The following GSN variants were observed in gnomAD, a reference collection of about 807,000 sequenced individuals.
The protein encoded by GSN is gelsolin, also known as actin-depolymerizing factor.
In GSN, 56 loss-of-function variants were observed where a neutral mutation model predicts 85.7. The observed-to-expected ratio is 0.65, with a 90% CI of 0.53 to 0.82. The LOEUF (loss-of-function observed/expected upper bound fraction) is 0.82. Ranked by LOEUF, GSN falls within the 40% of genes least tolerant of loss-of-function variation. GSN has a pLI of 0.00. For synonymous variants in GSN, 373 were observed against 399.1 expected, an observed-to-expected ratio of 0.93 and a Z score of 0.78; for missense variants, 857 against 979.8, an observed-to-expected ratio of 0.87 and a Z score of 1.67.
rs1484770479 is a variant in GSN at position 121,209,294 on chromosome 9, A to G, written c.-807-2A>G. 1 of 152,246 alleles carries G rather than the reference A, an allele frequency of 6.6e-6. No homozygotes were observed. Among genetic ancestry groups the G allele is most frequent in the African/African-American group, 2.4e-5 (1 of 41,448 alleles). 9.4% of individuals were successfully genotyped at this position (152,246 alleles called of 1,614,324 possible). On this transcript the variant is annotated splice_acceptor_variant, in intron 1 of 24. Transcript: ENST00000373823. LOFTEE classifies it low-confidence loss of function (5UTR_SPLICE). The stretch of plus-strand genomic sequence containing the variant: ...CAAATGTACAATCCTTCATCCTTCC[A>G]GGAATGGATAAAGCACGGAGAGGAA...
At chr9:121,272,783 C>T (rs12006064) in intron 1 of GSN, among the ~76,000 whole-genome samples, 4,059 of 152,308 alleles carry the variant, frequency 0.027, 195 homozygotes, top group African/African-American at 0.093. Flanking sequence ...CTCCATTTTA[C>T]AGATGAGGAA....
chr9:121,318,508 G>A lies in GSN; in HGVS notation c.975+14G>A, dbSNP rs765589339. 6.2e-7 allele frequency: 1 copy of A among 1,602,540 alleles called. No homozygotes were observed. Among genetic ancestry groups the A allele is most frequent in the Admixed American group, 1.7e-5 (1 of 60,010 alleles). ...AAGCAGACTCAGGTGAGTCTTGGAG[G>A]CCAGGTAGGATGGGAAGGGGTGGGT... On this transcript the variant is annotated intron_variant, in intron 9 of 17. Coordinates refer to ENST00000432226, the MANE Select transcript of GSN (RefSeq NM_198252.3). The surrounding 1 kb of genome is among the most constrained non-coding windows in gnomAD (Gnocchi z 4.3).
At position 121,329,671 on chromosome 9, in the gene GSN, A is replaced by C. The variant is rs918049959; in HGVS notation, c.1965+356A>C. On this transcript the variant is annotated intron_variant, in intron 16 of 17. Coordinates refer to ENST00000432226, the MANE Select transcript of GSN (RefSeq NM_198252.3). This position sits in a 1 kb window ranked among gnomAD's most constrained non-coding sequence, Gnocchi z 4.6. ...ACTTAGCAGCATCTTGTTTGCAGGCATAAACTGTCCAGTGTCACCTAGAGG... is the reference window on the plus strand; with the variant it reads ...ACTTAGCAGCATCTTGTTTGCAGGCCTAAACTGTCCAGTGTCACCTAGAGG... Among the ~76,000 whole-genome samples, 5 of 152,194 alleles carry C rather than the reference A, an allele frequency of 3.3e-5. No homozygotes were observed.
chr9:121,305,777 T>G (rs976753856), intron 4 of GSN, among the ~76,000 whole-genome samples: 1 of 152,202 alleles, frequency 6.6e-6, no homozygotes, highest in Non-Finnish European at 1.5e-5. Flanking sequence ...CCAGGGCTGG[T>G]CTTGTTTACC....
chr9:121,324,997 T>C (rs552107773), intron 12 of GSN, among the ~76,000 whole-genome samples: 3 of 152,324 alleles, frequency 2.0e-5, no homozygotes, highest in Non-Finnish European at 4.4e-5. Flanking sequence ...GGAGAGGCCA[T>C]GTGGCTGAGC....
chr9:121,269,087 A>T (rs2132328793), intron 1 of GSN, among the ~76,000 whole-genome samples: 1 of 152,192 alleles, frequency 6.6e-6, no homozygotes, highest in South Asian at 2.1e-4. Context: ...CATGGAAGGG[A>T]GCTTTAAAAC....
At chr9:121,245,796 C>T (rs140316624) in intron 5 of GSN, among the ~76,000 whole-genome samples, 203 of 152,288 alleles carry the variant, frequency 1.3e-3, no homozygotes, top group African/African-American at 4.8e-3. Context: ...GGCTGGAGTG[C>T]AGAGGCTATT....
At chr9:121,252,771 G>A (rs1446277516) in intron 6 of GSN, among the ~76,000 whole-genome samples, 1 of 152,144 alleles carries the variant, frequency 6.6e-6, no homozygotes, top group Non-Finnish European at 1.5e-5. Context: ...ATAAACTTTT[G>A]CTGTATTAAG....
chr9:121,317,676 G>C, intron 8 of GSN: 1 of 266,434 alleles, frequency 3.8e-6, no homozygotes, highest in South Asian at 4.2e-5. Context: ...AACTCTTTCG[G>C]TACTATCTTG....
intron 1 of GSN, chr9:121,280,666 C>T (rs306781): frequency 0.99 from 150,117 of 152,332 alleles, 73,979 homozygotes; most frequent in East Asian, 1. Context: ...AGAGTAAACA[C>T]ATGCCTTGTG....
intron 1 of GSN, among the ~76,000 whole-genome samples, chr9:121,272,490 A>G (rs1315938752): frequency 3.3e-5 from 5 of 152,316 alleles, no homozygotes; most frequent in Middle Eastern, 3.4e-3. Flanking sequence ...TGCTCCCCAC[A>G]TGTACTTGGG....
At chr9:121,278,676 A>C (rs186232418) in intron 1 of GSN, among the ~76,000 whole-genome samples, 7 of 152,204 alleles carry the variant, frequency 4.6e-5, no homozygotes, top group African/African-American at 1.7e-4. Context: ...TGCTGGAATG[A>C]AACCCTTCTC....
chr9:121,300,494 G>A (rs1049172046), intron 2 of GSN, among the ~76,000 whole-genome samples: 2 of 151,824 alleles, frequency 1.3e-5, no homozygotes, highest in African/African-American at 2.4e-5. Context: ...GTCTGGTTTC[G>A]TGTTTTTCCA....
At chr9:121,325,884 C>G (rs2133861758) in intron 12 of GSN, among the ~76,000 whole-genome samples, 1 of 152,184 alleles carries the variant, frequency 6.6e-6, no homozygotes, top group South Asian at 2.1e-4. Flanking sequence ...GGGGTCTAAG[C>G]CCTAACTCAG....
At position 121,332,662 on chromosome 9, in the gene GSN, A is replaced by C; in HGVS notation, c.*59A>C. On this transcript the variant is annotated 3_prime_UTR_variant, in exon 18 of 18. Transcript: ENST00000432226. The surrounding 1 kb of genome is among the most constrained non-coding windows in gnomAD (Gnocchi z 4.8). ...TGCCTTTTGGAACTGTCCTTCCCTC[A>C]AAGAGGCCTTAGAGCGAGCAGAGCA... 7.3e-7 allele frequency: 1 copy of C among 1,376,716 alleles called. No individual in the cohort carries two copies. Among genetic ancestry groups the C allele is most frequent in the Non-Finnish European group, 1.0e-6 (1 of 976,714 alleles). The allele number at this position is 1,376,716 out of a possible 1,614,324, so 85.3% of individuals were successfully genotyped here.
At chr9:121,279,120 G>A (rs963526481) in intron 1 of GSN, among the ~76,000 whole-genome samples, 8 of 152,200 alleles carry the variant, frequency 5.3e-5, no homozygotes, top group African/African-American at 1.9e-4. Flanking sequence ...GGGCAGATTA[G>A]GGGGTGTGGA....
chr9:121,236,636 T>C (rs1271026121), intron 5 of GSN, among the ~76,000 whole-genome samples: 1 of 152,190 alleles, frequency 6.6e-6, no homozygotes, highest in African/African-American at 2.4e-5. Context: ...AAAGGTAGAA[T>C]GCATGGAGTA....
At chr9:121,282,521 C>T in intron 2 of GSN, 1 of 1,254,758 alleles carries the variant, frequency 8.0e-7, no homozygotes, top group African/African-American at 1.5e-5. Context: ...CCACCCACAG[C>T]CGGAGCTGTT....
At chr9:121,283,044 C>G (rs148031758) in intron 2 of GSN, 2 of 167,788 alleles carry the variant, frequency 1.2e-5, no homozygotes, top group Non-Finnish European at 1.5e-5. Flanking sequence ...ATCCAGTGCT[C>G]TTTCCTCAGG....
Sources: allele counts gnomAD v4.1 joint callset (sites outside exome capture counted in the v4.1 genomes callset), GRCh38; gene constraint gnomAD v4.1.1; non-coding constraint Gnocchi (gnomAD v3.1); transcripts MANE v1.5; gene names NCBI Gene and HGNC (gene_info 2026-07-23, HGNC 2026-07-21).